The following MYT1L variants were observed in gnomAD, a reference collection of about 807,000 sequenced individuals.
The protein encoded by MYT1L is myelin transcription factor 1-like protein.
MYT1L carries 12 observed loss-of-function variants against 126.7 expected under a neutral mutation model. The observed-to-expected ratio is 0.09, with a 90% CI of 0.06 to 0.15. MYT1L has a LOEUF of 0.15. Ranked by LOEUF, MYT1L falls within the 10% of genes least tolerant of loss-of-function variation. The pLI is 1.00. For synonymous variants in MYT1L, 541 were observed against 604.2 expected (o/e 0.90, Z 1.53); for missense variants, 979 against 1,585.2 (o/e 0.62, Z 6.49).
intron 1 of MYT1L, among the ~76,000 whole-genome samples, chr2:2,315,992 A>AATT (rs1213957297): frequency 1.3e-5 from 2 of 152,174 alleles, no homozygotes; most frequent in African/African-American, 4.8e-5. Context: ...CACATGTAGA[A>AATT]ATTTGCACTT....
chr2:1,869,261 T>G (rs986352779), intron 18 of MYT1L, among the ~76,000 whole-genome samples: 1 of 152,204 alleles, frequency 6.6e-6, no homozygotes, highest in Non-Finnish European at 1.5e-5. Context: ...AAGCACACAG[T>G]CCTGGACCTG....
At chr2:2,270,204 G>A (rs2149336630) in intron 2 of MYT1L, among the ~76,000 whole-genome samples, 1 of 152,348 alleles carries the variant, frequency 6.6e-6, no homozygotes, top group African/African-American at 2.4e-5. Flanking sequence ...CACCAGATGT[G>A]CAGGCACCTT....
At chr2:1,824,344 G>A (rs1237193250) in intron 21 of MYT1L, 1 of 152,246 alleles carries the variant, frequency 6.6e-6, no homozygotes, top group Non-Finnish European at 1.5e-5. Flanking sequence ...CTGTCCTCTG[G>A]GAAATACTGC....
chr2:2,154,135 C>T (rs1410039941), intron 3 of MYT1L, among the ~76,000 whole-genome samples: 1 of 152,168 alleles, frequency 6.6e-6, no homozygotes, highest in African/African-American at 2.4e-5. Flanking sequence ...CTGAGGTTTA[C>T]GTCCCTGTTC....
intron 1 of MYT1L, among the ~76,000 whole-genome samples, chr2:2,310,718 C>T (rs1030049108): frequency 1.3e-5 from 2 of 152,194 alleles, no homozygotes; most frequent in Non-Finnish European, 2.9e-5. Flanking sequence ...TTTACCACTT[C>T]TATCAAAGTC....
At chr2:2,191,537 C>G (rs980245563) in intron 2 of MYT1L, among the ~76,000 whole-genome samples, 9 of 152,168 alleles carry the variant, frequency 5.9e-5, no homozygotes, top group Non-Finnish European at 4.4e-5. Flanking sequence ...GAAGCAGAAT[C>G]CTTTCACATC....
intron 8 of MYT1L, among the ~76,000 whole-genome samples, chr2:1,953,754 T>C (rs2058093473): frequency 6.6e-6 from 1 of 152,206 alleles, no homozygotes; most frequent in South Asian, 2.1e-4. Context: ...CTTCGGTGTG[T>C]TTCTATCAGC....
At chr2:1,959,224 C>G (rs886112281) in intron 8 of MYT1L, among the ~76,000 whole-genome samples, 2 of 152,228 alleles carry the variant, frequency 1.3e-5, no homozygotes, top group African/African-American at 4.8e-5. Context: ...CGGATCTGCT[C>G]TTTCCAGATC....
intron 3 of MYT1L, among the ~76,000 whole-genome samples, chr2:2,122,055 G>A (rs1002343427): frequency 6.6e-5 from 10 of 152,166 alleles, no homozygotes; most frequent in Middle Eastern, 3.2e-3. Flanking sequence ...TCAGCAGGGC[G>A]GCACCGTCAT....
intron 1 of MYT1L, among the ~76,000 whole-genome samples, chr2:2,317,155 T>C (rs1019000967): frequency 6.6e-6 from 1 of 152,162 alleles, no homozygotes; most frequent in African/African-American, 2.4e-5. Context: ...AAACATTTGA[T>C]GAGATGAATT....
chr2:2,134,550 C>A (rs904653356), intron 3 of MYT1L, among the ~76,000 whole-genome samples: 9 of 152,062 alleles, frequency 5.9e-5, no homozygotes, highest in South Asian at 2.1e-4. Context: ...ATGATGAGGT[C>A]ATGAAGATGG....
intron 3 of MYT1L, among the ~76,000 whole-genome samples, chr2:2,067,174 T>C (rs944832255): frequency 5.3e-5 from 8 of 152,142 alleles, no homozygotes; most frequent in African/African-American, 1.9e-4. Context: ...CTACCTGACA[T>C]TAAGAATTAT....
chr2:2,162,210 C>T (rs921521800), intron 3 of MYT1L, among the ~76,000 whole-genome samples: 3 of 152,030 alleles, frequency 2.0e-5, no homozygotes, highest in African/African-American at 4.8e-5. Context: ...AGTTAGAACA[C>T]GGGAAGTGGG....
intron 1 of MYT1L, among the ~76,000 whole-genome samples, chr2:2,304,301 G>C (rs1031807556): frequency 2.0e-5 from 3 of 152,176 alleles, no homozygotes; most frequent in African/African-American, 7.2e-5. Flanking sequence ...AGCCTGAAAA[G>C]TTATGTAACT....
At position 2,037,781 on chromosome 2, in the gene MYT1L, A is replaced by AC. The variant is rs1370979932; in HGVS notation, c.-158+16196dup. ...CAAAAACAAAACAAAACAAAACAAAACCCCCCCAAAAAAACAAAAAAACAA... is the reference window on the plus strand; with the variant it reads ...CAAAAACAAAACAAAACAAAACAAAACCCCCCCCAAAAAAACAAAAAAACAA... On this transcript the variant is annotated intron_variant, in intron 4 of 24. Coordinates refer to ENST00000647738, the MANE Select transcript of MYT1L (RefSeq NM_001303052.2). 1.9e-3 allele frequency among the ~76,000 whole-genome samples: 267 copies of AC among 140,622 alleles called. 1 individual carries two copies. The highest frequency in any genetic ancestry group is 6.7e-3 in the African/African-American group (252 of 37,576). 92.3% of individuals were successfully genotyped at this position (140,622 alleles called of 152,430 possible). A position where few individuals can be genotyped will look rare whatever the true frequency, so the allele number is the denominator to read the frequency against.
chr2:2,195,884 A>G (rs941383962), intron 2 of MYT1L, among the ~76,000 whole-genome samples: 1 of 152,126 alleles, frequency 6.6e-6, no homozygotes, highest in African/African-American at 2.4e-5. Context: ...GAAAATACAT[A>G]AAAGAATATA....
rs137870615 is a variant in MYT1L at position 1,806,840 on chromosome 2, C to A, written c.3172+2236G>T. Among the ~76,000 whole-genome samples, 1 of 152,180 alleles carries A rather than the reference C, an allele frequency of 6.6e-6. No individual in the cohort carries two copies. The highest frequency in any genetic ancestry group is 1.5e-5 in the Non-Finnish European group (1 of 68,038). On this transcript the variant is annotated intron_variant, in intron 22 of 24. Coordinates refer to ENST00000647738, the MANE Select transcript of MYT1L (RefSeq NM_001303052.2). The surrounding 1 kb of genome is among the most constrained non-coding windows in gnomAD (Gnocchi z 4.9). ...AATGGGGAACAAAGGCACGTGGACT[C>A]GGATCAATTGTCTAAGGATTTCCAC...
chr2:1,928,066 G>A (rs778754640), intron 9 of MYT1L, among the ~76,000 whole-genome samples: 7 of 152,136 alleles, frequency 4.6e-5, no homozygotes, highest in Middle Eastern at 3.4e-3. Flanking sequence ...TGACCCTCCC[G>A]CCTCAGCTTT....
chr2:2,316,347 C>A (rs1573509796), intron 1 of MYT1L, among the ~76,000 whole-genome samples: 1 of 152,106 alleles, frequency 6.6e-6, no homozygotes, highest in Non-Finnish European at 1.5e-5. Flanking sequence ...ATTTTGGGTG[C>A]CTTCTGCTCT....
Sources: allele counts gnomAD v4.1 joint callset (sites outside exome capture counted in the v4.1 genomes callset), GRCh38; gene constraint gnomAD v4.1.1; non-coding constraint Gnocchi (gnomAD v3.1); transcripts MANE v1.5; gene names NCBI Gene and HGNC (gene_info 2026-07-23, HGNC 2026-07-21).